Variants in RTF1 observed in about 807,000 individuals in gnomAD.
The protein encoded by RTF1 is RNA polymerase-associated protein RTF1 homolog.
A neutral mutation model predicts 95.7 loss-of-function variants in RTF1; 10 were observed. That is an observed-to-expected ratio of 0.10 (90% CI 0.06 to 0.18). The LOEUF (loss-of-function observed/expected upper bound fraction) is 0.18. Ranked by LOEUF, RTF1 falls within the 10% of genes least tolerant of loss-of-function variation. RTF1 has a pLI of 1.00. For synonymous variants in RTF1, 305 were observed against 311.8 expected (o/e 0.98, Z 0.23); for missense variants, 458 against 875.6 (o/e 0.52, Z 6.02).
rs1251984773 is a variant in RTF1 at position 41,474,667 on chromosome 15, A to G, written c.1251A>G (p.Leu417=). The G allele has an allele frequency of 6.2e-7, 1 of 1,614,184 alleles. No individual in the cohort carries two copies. The highest frequency in any genetic ancestry group is 2.2e-5 in the East Asian group (1 of 44,888). Residue 417 remains leucine (L), a synonymous_variant, in exon 9 of 18, where the codon CTA becomes CTG. Coordinates refer to ENST00000389629, the MANE Select transcript of RTF1 (RefSeq NM_015138.5). ...TGGAAACTGCCAAAGTTTACCAACT[A>G]GGTGGCACCAGAACAAACAAAGGGC... ...GVVETAKVYQ[L]GGTRTNKGLQ...
chr15:41,464,843 G>A lies in RTF1; in HGVS notation c.735G>A (p.Glu245=). 1 of 1,544,404 alleles carries A rather than the reference G, an allele frequency of 6.5e-7. No homozygotes were observed. The highest frequency in any genetic ancestry group is 8.7e-7 in the Non-Finnish European group (1 of 1,147,230). ...AAGAAAAGAAGAAAAAGCAAGAAGA[G>A]GAGCAAGAAAAGAAAAAACTGACAC... ...EKKEKKKKQE[E]EQEKKKLTQI... Residue 245 remains glutamate, a synonymous_variant, in exon 5 of 18, where the codon GAG becomes GAA. Coordinates refer to ENST00000389629, the MANE Select transcript of RTF1 (RefSeq NM_015138.5).
chr15:41,460,689 T>TA (rs1015384986), intron 4 of RTF1, among the ~76,000 whole-genome samples: 1 of 151,342 alleles, frequency 6.6e-6, no homozygotes, highest in East Asian at 1.9e-4. Flanking sequence ...AGTGACTTCT[T>TA]AAAAAAAAAT....
intron 8 of RTF1, 159 bp from the exon 9 acceptor site, chr15:41,474,461 C>G (rs945067611): frequency 1.6e-6 from 1 of 637,448 alleles, no homozygotes; most frequent in African/African-American, 1.8e-5. Flanking sequence ...CATCTGGATT[C>G]TAAACCTGAG....
chr15:41,417,344 C>T, intron 1 of RTF1, 31 bp downstream of exon 1: 1 of 1,245,300 alleles, frequency 8.0e-7, no homozygotes. Flanking sequence ...CGCGGGCCGG[C>T]GGAGCCAGAG....
chr15:41,433,205 TCCA>T (rs1566837764), intron 1 of RTF1, among the ~76,000 whole-genome samples: 3 of 151,866 alleles, frequency 2.0e-5, no homozygotes, highest in Non-Finnish European at 4.4e-5. Flanking sequence ...CCGAGATCAC[TCCA>T]CTATACTCCA....
At chr15:41,423,838 C>T (rs572783128) in intron 1 of RTF1, among the ~76,000 whole-genome samples, 5 of 152,112 alleles carry the variant, frequency 3.3e-5, no homozygotes, top group East Asian at 1.9e-4. Context: ...CTGCCACCTC[C>T]GCTTCCCGGG....
chr15:41,445,247 T>C (rs1365343525), intron 2 of RTF1, among the ~76,000 whole-genome samples: 1 of 152,212 alleles, frequency 6.6e-6, no homozygotes, highest in Non-Finnish European at 1.5e-5. Flanking sequence ...ATGAGCTTTA[T>C]GTTTTACATA....
chr15:41,455,186 T>C (rs778596719), intron 3 of RTF1, among the ~76,000 whole-genome samples: 3 of 151,610 alleles, frequency 2.0e-5, no homozygotes, highest in Non-Finnish European at 4.4e-5. Context: ...TGGTGGTGCC[T>C]ACCTGTAATC....
chr15:41,477,182 G>A lies in RTF1; in HGVS notation c.1578G>A (p.Leu526=). ...LLKEKAMAED[L]GDQDKAKQIQ... is the part of the protein sequence containing the mutation. ...ATGTGTAGGCCATGGCTGAGGACCT[G>A]GGGGATCAGGACAAGGCCAAACAAA... is the stretch of plus-strand genomic sequence containing the variant. Residue 526 remains leucine (L), a synonymous_variant, in exon 13 of 18, where the codon CTG becomes CTA. Coordinates refer to ENST00000389629, the MANE Select transcript of RTF1 (RefSeq NM_015138.5). 1 of 1,614,176 alleles carries A rather than the reference G, an allele frequency of 6.2e-7. No homozygotes were observed. The highest frequency in any genetic ancestry group is 1.7e-5 in the Admixed American group (1 of 60,024).
chr15:41,453,572 T>C (rs762049522), intron 3 of RTF1, among the ~76,000 whole-genome samples: 13 of 151,784 alleles, frequency 8.6e-5, no homozygotes, highest in Non-Finnish European at 1.6e-4. Flanking sequence ...CAAAAAAATT[T>C]AAAAATTAGC....
rs187927800 is a variant in RTF1, at chr15:41,482,288, C to T, written c.*1601C>T. 5.0e-4 allele frequency: 76 copies of T among 152,718 alleles called. No homozygotes were observed. The highest frequency in any genetic ancestry group is 1.8e-3 in the African/African-American group (73 of 41,566). 9.5% of individuals were successfully genotyped at this position (152,718 alleles called of 1,614,324 possible). On this transcript the variant is annotated 3_prime_UTR_variant, in exon 18 of 18. Transcript: ENST00000389629. ...AAGTGTAAATAAAAGTGGCATTTAA[C>T]AAATCTTTCAGAACAAAGTACAGCT...
chr15:41,463,746 T>C (rs1324387892), intron 4 of RTF1, among the ~76,000 whole-genome samples: 1 of 152,204 alleles, frequency 6.6e-6, no homozygotes, highest in Non-Finnish European at 1.5e-5. Context: ...CCTCCCAAAG[T>C]ACTGGAATTA....
intron 1 of RTF1, among the ~76,000 whole-genome samples, chr15:41,429,034 G>A (rs1298669285): frequency 6.6e-6 from 1 of 151,966 alleles, no homozygotes; most frequent in Non-Finnish European, 1.5e-5. Flanking sequence ...ACCACTCCTG[G>A]CCACAGCGAA....
intron 1 of RTF1, among the ~76,000 whole-genome samples, chr15:41,433,597 A>T (rs2050686690): frequency 6.6e-6 from 1 of 152,150 alleles, no homozygotes; most frequent in Non-Finnish European, 1.5e-5. Context: ...GTGGTATTAC[A>T]AACGTGAGCC....
At chr15:41,446,942 A>G (rs1003941975) in intron 2 of RTF1, among the ~76,000 whole-genome samples, 2 of 151,698 alleles carry the variant, frequency 1.3e-5, no homozygotes, top group African/African-American at 4.8e-5. Context: ...AACTGGGATT[A>G]TAGGCGCCCA....
Position 41,417,204 on chromosome 15 carries a change from G to T in RTF1, c.89G>T (p.Gly30Val). ...GCAGGCGGGCAAGAGGGGAGTCCGG[G>T]CGGCGGCCGGCGTGGGAGCCGGGGG... ...PLAGGQEGSP[G>V]GGRRGSRGTT... The change falls in exon 1 of 18, where the codon GGC (glycine) becomes GTC (valine). Residue 30 changes from glycine (G) to valine (V), a missense_variant. By Grantham distance (109) the Gly-to-Val change is moderately radical (BLOSUM62 -3). Transcript: ENST00000389629. The T allele has an allele frequency of 7.9e-7, 1 of 1,262,386 alleles. No individual in the cohort carries two copies. The highest frequency in any genetic ancestry group is 1.0e-6 in the Non-Finnish European group (1 of 998,664). The allele number at this position is 1,262,386 out of a possible 1,614,324, so 78.2% of individuals were successfully genotyped here.
intron 5 of RTF1, among the ~76,000 whole-genome samples, chr15:41,465,405 C>T (rs542611823): frequency 6.6e-6 from 1 of 152,316 alleles, no homozygotes; most frequent in African/African-American, 2.4e-5. Context: ...CTTTGAGAGG[C>T]CGAGGCAGAC....
intron 1 of RTF1, among the ~76,000 whole-genome samples, chr15:41,420,537 G>C (rs575346777): frequency 1.1e-4 from 16 of 152,098 alleles, no homozygotes; most frequent in African/African-American, 3.6e-4. Flanking sequence ...CATTAGACTT[G>C]CTGTCTAGCG....
At chr15:41,436,093 G>GT (rs1164482927) in intron 1 of RTF1, among the ~76,000 whole-genome samples, 2 of 151,812 alleles carry the variant, frequency 1.3e-5, no homozygotes, top group Non-Finnish European at 2.9e-5. Flanking sequence ...AATCACCTGA[G>GT]GTCAGTAGTT....
Sources: allele counts gnomAD v4.1 joint callset (sites outside exome capture counted in the v4.1 genomes callset), GRCh38; gene constraint gnomAD v4.1.1; transcripts MANE v1.5; gene names NCBI Gene and HGNC (gene_info 2026-07-23, HGNC 2026-07-21).